The following ARHGAP24 variants were observed in gnomAD, a reference collection of about 807,000 sequenced individuals.
ARHGAP24 encodes the protein Rho GTPase activating protein 24.
ARHGAP24 carries 50 observed loss-of-function variants against 76.4 expected under a neutral mutation model. That is an observed-to-expected ratio of 0.65 (90% CI 0.52 to 0.83). The LOEUF is 0.83. Ranked by LOEUF, ARHGAP24 falls within the 40% of genes least tolerant of loss-of-function variation. The probability of loss-of-function intolerance (pLI) is 0.00; values close to 1 mark genes in which losing one functional copy is unlikely to be tolerated. For missense variants in ARHGAP24, 930 were observed against 914.2 expected, an observed-to-expected ratio of 1.02 and a Z score of -0.22; for synonymous variants, 345 against 323.3, an observed-to-expected ratio of 1.07 and a Z score of -0.72.
chr4:85,877,845 T>C (rs536364711), intron 3 of ARHGAP24, among the ~76,000 whole-genome samples: 18 of 152,272 alleles, frequency 1.2e-4, no homozygotes, highest in African/African-American at 3.1e-4. Context: ...GGTCCATAAT[T>C]GTGAAACAAG....
rs543871204 is a variant in ARHGAP24, at chr4:85,693,418, C to G, written c.181-28467C>G. 2.0e-5 allele frequency among the ~76,000 whole-genome samples: 3 copies of G among 152,278 alleles called. No homozygotes were observed. In the South Asian group the frequency reaches 6.2e-4, roughly 32 times the overall value. On this transcript the variant is annotated intron_variant, in intron 2 of 9. Coordinates refer to ENST00000395184, the MANE Select transcript of ARHGAP24 (RefSeq NM_001025616.3). ...CTCACTCGCCTGCCAGCCCACAGACCCCCATGTCTCACTGCCTCAGTCTCT... is the reference window on the plus strand; with the variant it reads ...CTCACTCGCCTGCCAGCCCACAGACGCCCATGTCTCACTGCCTCAGTCTCT...
chr4:85,999,658 T>C (rs906135016), intron 9 of ARHGAP24, among the ~76,000 whole-genome samples: 3 of 152,202 alleles, frequency 2.0e-5, no homozygotes. Context: ...GTAACTTTAA[T>C]ACCCCTCTTT....
intron 1 of ARHGAP24, among the ~76,000 whole-genome samples, chr4:85,511,875 T>G (rs1035655531): frequency 1.7e-4 from 26 of 152,120 alleles, no homozygotes; most frequent in African/African-American, 5.6e-4. Context: ...TCTTCCTAGT[T>G]TCTGGTGGTT....
At chr4:85,634,108 A>T (rs544707682) in intron 2 of ARHGAP24, among the ~76,000 whole-genome samples, 29 of 151,964 alleles carry the variant, frequency 1.9e-4, no homozygotes, top group South Asian at 1.0e-3. Flanking sequence ...AGGATAAAAA[A>T]TCTCACAAAT....
chr4:85,614,148 C>G (rs925229474), intron 2 of ARHGAP24, among the ~76,000 whole-genome samples: 1 of 152,124 alleles, frequency 6.6e-6, no homozygotes, highest in African/African-American at 2.4e-5. Flanking sequence ...CATCACTGTT[C>G]ATAAAACAGT....
At chr4:85,537,523 C>T (rs1439330159) in intron 1 of ARHGAP24, among the ~76,000 whole-genome samples, 1 of 152,058 alleles carries the variant, frequency 6.6e-6, no homozygotes, top group Non-Finnish European at 1.5e-5. Flanking sequence ...GTAATTTCTT[C>T]CTGCTAAATT....
chr4:85,680,407 CT>C (rs1302317110), intron 2 of ARHGAP24, among the ~76,000 whole-genome samples: 3 of 152,132 alleles, frequency 2.0e-5, no homozygotes, highest in Non-Finnish European at 4.4e-5. Flanking sequence ...GTGAAAACGA[CT>C]TGCAAAATTG....
chr4:85,550,589 G>A (rs1195523248), intron 1 of ARHGAP24, among the ~76,000 whole-genome samples: 2 of 151,996 alleles, frequency 1.3e-5, no homozygotes, highest in Non-Finnish European at 2.9e-5. Context: ...TGTGATGAAT[G>A]CCATTGGTAG....
intron 1 of ARHGAP24, among the ~76,000 whole-genome samples, chr4:85,491,241 T>C (rs1482491292): frequency 6.6e-6 from 1 of 152,210 alleles, no homozygotes; most frequent in Admixed American, 6.5e-5. Context: ...TGATTGGTTT[T>C]AGATCATAAT....
In ARHGAP24 at chr4:85,479,696, A is replaced by C. The variant is rs77795279; in HGVS notation, c.-21+4137A>C. On this transcript the variant is annotated intron_variant, in intron 1 of 9. Transcript: ENST00000395184. ...GATTTTCCTTTCATCTCATTTGAGC[A>C]CTGAGGCAAATCCAAAGTTTCTTCC... Among the ~76,000 whole-genome samples, 502 of 152,296 alleles carry C rather than the reference A, an allele frequency of 3.3e-3. 2 individuals carry two copies. The highest frequency in any genetic ancestry group is 0.012 in the African/African-American group (478 of 41,562).
At chr4:85,479,041 C>T (rs1223361337) in intron 1 of ARHGAP24, among the ~76,000 whole-genome samples, 1 of 152,090 alleles carries the variant, frequency 6.6e-6, no homozygotes, top group Non-Finnish European at 1.5e-5. Context: ...TAATGTTTCC[C>T]CAATAAGTGG....
At chr4:85,998,724 T>C (rs1740829440) in intron 9 of ARHGAP24, among the ~76,000 whole-genome samples, 1 of 152,212 alleles carries the variant, frequency 6.6e-6, no homozygotes, top group South Asian at 2.1e-4. Context: ...GCTAATTCAA[T>C]TCTGATACTT....
At chr4:85,961,753 G>A (rs934537258) in intron 5 of ARHGAP24, among the ~76,000 whole-genome samples, 5 of 151,808 alleles carry the variant, frequency 3.3e-5, no homozygotes, top group African/African-American at 9.7e-5. Context: ...GCTTTTAAAT[G>A]CTGTTAGAAA....
At chr4:85,846,681 A>G (rs1730910984) in intron 3 of ARHGAP24, among the ~76,000 whole-genome samples, 1 of 152,264 alleles carries the variant, frequency 6.6e-6, no homozygotes, top group African/African-American at 2.4e-5. Flanking sequence ...ATAACTTGTC[A>G]GGATTCCAAT....
At chr4:85,986,673 A>G (rs1740020905) in intron 8 of ARHGAP24, among the ~76,000 whole-genome samples, 1 of 152,180 alleles carries the variant, frequency 6.6e-6, no homozygotes, top group African/African-American at 2.4e-5. Flanking sequence ...CCAGAAATCT[A>G]CGGAGAGTAG....
chr4:85,769,130 G>A (rs767348253), intron 3 of ARHGAP24, among the ~76,000 whole-genome samples: 5 of 152,126 alleles, frequency 3.3e-5, no homozygotes, highest in South Asian at 4.1e-4. Context: ...TCAAAAAAGC[G>A]ATGATTGAAT....
At chr4:85,530,248 TG>T (rs1725204879) in intron 1 of ARHGAP24, among the ~76,000 whole-genome samples, 1 of 152,052 alleles carries the variant, frequency 6.6e-6, no homozygotes, top group Non-Finnish European at 1.5e-5. Flanking sequence ...ATGAAACCTA[TG>T]AGTTCACAAA....
At chr4:85,821,208 T>C (rs1223206355) in intron 3 of ARHGAP24, among the ~76,000 whole-genome samples, 2 of 152,202 alleles carry the variant, frequency 1.3e-5, no homozygotes, top group Admixed American at 1.3e-4. Flanking sequence ...GATGAGCCTA[T>C]AGATATAATT....
At chr4:85,597,830 A>G (rs1719893788) in intron 2 of ARHGAP24, among the ~76,000 whole-genome samples, 1 of 152,124 alleles carries the variant, frequency 6.6e-6, no homozygotes, top group Admixed American at 6.6e-5. Context: ...AACTTTCAGA[A>G]TATTCTATCA....
Sources: allele counts gnomAD v4.1 joint callset (sites outside exome capture counted in the v4.1 genomes callset), GRCh38; gene constraint gnomAD v4.1.1; transcripts MANE v1.5; gene names NCBI Gene and HGNC (gene_info 2026-07-23, HGNC 2026-07-21).